Variants in GHRHR observed in about 807,000 individuals in gnomAD.
GHRHR encodes the protein growth hormone releasing hormone receptor.
GHRHR carries 40 observed loss-of-function variants against 58.3 expected under a neutral mutation model. The observed-to-expected ratio is 0.69, with a 90% CI of 0.53 to 0.89. The LOEUF (loss-of-function observed/expected upper bound fraction) is 0.89, where lower values mean the gene tolerates loss of function less well. Among genes scored for constraint, GHRHR ranks in the 40% least tolerant of loss-of-function variants. GHRHR has a pLI of 0.00. For synonymous variants in GHRHR, 249 were observed against 216.6 expected (o/e 1.15, Z -1.31); for missense variants, 551 against 541.3 (o/e 1.02, Z -0.18).
At chr7:30,964,657 A>C (rs1691910097) in intron 1 of GHRHR, among the ~76,000 whole-genome samples, 1 of 152,124 alleles carries the variant, frequency 6.6e-6, no homozygotes, top group Admixed American at 6.5e-5. Flanking sequence ...ATGGAACCTA[A>C]GGAGTTGGTG....
intron 2 of GHRHR, 39 bp downstream of exon 2, chr7:30,968,975 C>T (rs2128597199): frequency 6.4e-7 from 1 of 1,559,694 alleles, no homozygotes; most frequent in Non-Finnish European, 8.8e-7. Flanking sequence ...TTCTCTGATT[C>T]CTTTATATCC....
chr7:30,969,136 C>T lies in GHRHR; in HGVS notation c.234C>T (p.Cys78=). The T allele has an allele frequency of 6.4e-7, 1 of 1,573,720 alleles. No individual in the cohort carries two copies. Among genetic ancestry groups the T allele is most frequent in the South Asian group, 1.2e-5 (1 of 85,838 alleles). ...CTGGCGAGTGGGTCACCCTCCCCTGCCCGGATTTCTTCTCTCACTTCAGCT... is the reference window on the plus strand; with the variant it reads ...CTGGCGAGTGGGTCACCCTCCCCTGTCCGGATTTCTTCTCTCACTTCAGCT... The part of the protein sequence containing the change: ...AGSGEWVTLP[C]PDFFSHFSSE... The change falls in exon 3 of 13, where the codon TGC becomes TGT. Residue 78 remains cysteine, a synonymous_variant. Transcript: ENST00000326139.
intron 3 of GHRHR, chr7:30,969,416 C>A: frequency 1.7e-6 from 1 of 603,682 alleles, no homozygotes; most frequent in South Asian, 1.9e-5. Context: ...GACCTGGATG[C>A]CCTCCAGGTG....
In GHRHR at chr7:30,975,789, C is replaced by A; in HGVS notation, c.895C>A (p.Leu299Ile). ...IVLSVGVNFG[L>I]FLNIIRILVR... ...CCTCTATTTCCAGGTGAACTTTGGG[C>A]TTTTTCTCAATATTATCCGCATCCT... The change falls in exon 10 of 13, where the codon CTT becomes ATT. Residue 299 changes from leucine to isoleucine, a missense_variant. Transcript: ENST00000326139. 6.2e-7 allele frequency: 1 copy of A among 1,609,034 alleles called. No homozygotes were observed. Among genetic ancestry groups the A allele is most frequent in the South Asian group, 1.1e-5 (1 of 90,974 alleles).
rs1228229925 is a variant in GHRHR, at chr7:30,972,106, T to G, written c.597+11T>G. On this transcript the variant is annotated intron_variant, in intron 6 of 12. Coordinates refer to ENST00000326139, the MANE Select transcript of GHRHR (RefSeq NM_000823.4). ...TGCAGCTTCTCCACTGTAATGGCCA[T>G]GGGTGAAGGGGCTGGGCAGGTGGGG... 1 of 1,613,690 alleles carries G rather than the reference T, an allele frequency of 6.2e-7. No homozygotes were observed. The highest frequency in any genetic ancestry group is 1.3e-5 in the African/African-American group (1 of 74,990).
At chr7:30,977,913 C>A (rs553102448) in intron 12 of GHRHR, among the ~76,000 whole-genome samples, 1 of 152,204 alleles carries the variant, frequency 6.6e-6, no homozygotes, top group Admixed American at 6.5e-5. Context: ...CGTGGGGACA[C>A]GACAGAGACT....
Position 30,969,964 on chromosome 7 carries a change from G to A in GHRHR, c.366G>A (p.Glu122=), listed in dbSNP as rs1330852971. The A allele has an allele frequency of 3.4e-6, 4 of 1,164,392 alleles. No individual in the cohort carries two copies. The East Asian group carries it at 7.0e-5, about 20-fold the overall frequency. 72.1% of individuals were successfully genotyped at this position (1,164,392 alleles called of 1,614,324 possible). The change falls in exon 4 of 13, where the codon GAG becomes GAA. Residue 122 remains glutamate, a splice_region_variant and synonymous_variant. Transcript: ENST00000326139. The part of the protein sequence containing the change: ...CPVPLELLAE[E]ESYFSTVKII... ...TGCCTCTGGAGCTGCTGGCTGAGGA[G>A]GTAAGAGTCTTCTGGCATCTTGGAG...
At chr7:30,974,701 G>C (rs1792542715) in intron 8 of GHRHR, among the ~76,000 whole-genome samples, 1 of 152,148 alleles carries the variant, frequency 6.6e-6, no homozygotes. Context: ...TGTGGGGCTG[G>C]GGGAAGGTGG....
In GHRHR at chr7:30,975,950, T is replaced by G. The variant is rs2741; in HGVS notation, c.974+82T>G. ...TGTGTCTGTCTCATCCAATAAGCAC[T>G]CATGACCTCAGCCCCATACTCTTTC... On this transcript the variant is annotated intron_variant, in intron 10 of 12. Transcript: ENST00000326139. The G allele has an allele frequency of 0.11, 92,407 of 818,968 alleles. 5,654 individuals are homozygous for G. Among genetic ancestry groups the G allele is most frequent in the East Asian group, 0.21 (8,544 of 40,950 alleles). The allele number at this position is 818,968 out of a possible 1,614,324, so 50.7% of individuals were successfully genotyped here. A position where few individuals can be genotyped will look rare whatever the true frequency, so the allele number is the denominator to read the frequency against.
chr7:30,968,226 A>G (rs10240904), intron 1 of GHRHR, among the ~76,000 whole-genome samples: 44,621 of 152,046 alleles, frequency 0.29, 6,853 homozygotes, highest in African/African-American at 0.36. Flanking sequence ...CAGGTTCCAC[A>G]GATTAGGATG....
intron 1 of GHRHR, among the ~76,000 whole-genome samples, chr7:30,967,098 C>A (rs961392723): frequency 1.3e-5 from 2 of 152,206 alleles, no homozygotes; most frequent in African/African-American, 4.8e-5. Context: ...ATGCTGTATA[C>A]CCAGTTCACA....
chr7:30,979,224 G>T lies in GHRHR; in HGVS notation c.1252G>T (p.Val418Leu). The T allele has an allele frequency of 2.5e-6, 4 of 1,614,062 alleles. No individual in the cohort carries two copies. Among genetic ancestry groups the T allele is most frequent in the Non-Finnish European group, 3.4e-6 (4 of 1,179,944 alleles). ...WTTPSRSAAK[V>L]LTSMC ...CACGCCTTCCCGCTCGGCGGCAAAG[G>T]TGCTGACATCTATGTGCTAGGCTGC... The change falls in exon 13 of 13, where the codon GTG (valine) becomes TTG (leucine). Residue 418 changes from valine to leucine, a missense_variant. Val to Leu is a conservative substitution (Grantham distance 32). Coordinates refer to ENST00000326139, the MANE Select transcript of GHRHR (RefSeq NM_000823.4).
chr7:30,966,692 G>A (rs940847610), intron 1 of GHRHR, among the ~76,000 whole-genome samples: 1 of 151,826 alleles, frequency 6.6e-6, no homozygotes, highest in Admixed American at 6.6e-5. Flanking sequence ...GCCCAGGCTG[G>A]AGTACAGTGG....
chr7:30,969,837 T>C (rs747592779), intron 3 of GHRHR, 30 bp from the exon 4 acceptor site: 1 of 1,612,028 alleles, frequency 6.2e-7, no homozygotes, highest in South Asian at 1.1e-5. Context: ...GGGAAGGAGT[T>C]GTGGCTAGAG....
intron 5 of GHRHR, among the ~76,000 whole-genome samples, chr7:30,971,561 C>T (rs993935798): frequency 6.6e-6 from 1 of 152,178 alleles, no homozygotes; most frequent in African/African-American, 2.4e-5. Context: ...TCTCTGACCA[C>T]TGTCCCCTTT....
intron 12 of GHRHR, among the ~76,000 whole-genome samples, chr7:30,978,619 C>A (rs575155647): frequency 3.3e-5 from 5 of 152,316 alleles, no homozygotes; most frequent in African/African-American, 1.2e-4. Flanking sequence ...CCCCCACCCC[C>A]CAATCCCACC....
intron 12 of GHRHR, among the ~76,000 whole-genome samples, chr7:30,977,732 G>A (rs1792616826): frequency 6.6e-6 from 1 of 152,132 alleles, no homozygotes; most frequent in Non-Finnish European, 1.5e-5. Context: ...GAAAGTCAGA[G>A]GTAAACATAC....
rs1792413926 is a variant in GHRHR, at chr7:30,968,850, A to G, written c.74A>G (p.His25Arg). 4 of 1,613,218 alleles carry G rather than the reference A, an allele frequency of 2.5e-6. No individual in the cohort carries two copies. The highest frequency in any genetic ancestry group is 1.3e-5 in the African/African-American group (1 of 74,862). Residue 25 changes from histidine to arginine, a missense_variant, in exon 2 of 13, where the codon CAC becomes CGC. Transcript: ENST00000326139. ...TTCCAGCAGGTATTGGGCCACATGC[A>G]CCCAGAATGTGACTTCATCACCCAG... ...SPLPTVLGHM[H>R]PECDFITQLR... is the part of the protein sequence containing the mutation.
intron 1 of GHRHR, among the ~76,000 whole-genome samples, 158 bp downstream of exon 1, chr7:30,964,283 A>G (rs1792294975): frequency 6.6e-6 from 1 of 152,128 alleles, no homozygotes; most frequent in Non-Finnish European, 1.5e-5. Context: ...AGAGCCCCTG[A>G]CACTGGGGCT....
Sources: allele counts gnomAD v4.1 joint callset (sites outside exome capture counted in the v4.1 genomes callset), GRCh38; gene constraint gnomAD v4.1.1; transcripts MANE v1.5; gene names NCBI Gene and HGNC (gene_info 2026-07-23, HGNC 2026-07-21).